Variants in CEP126 observed in about 807,000 individuals in gnomAD.
CEP126 encodes the protein centrosomal protein of 126 kDa.
A neutral mutation model predicts 107.8 loss-of-function variants in CEP126; 74 were observed. The ratio of observed to expected loss-of-function variants is 0.69; its 90% CI spans 0.57 to 0.83. CEP126 has a LOEUF of 0.83. Ranked by LOEUF, CEP126 falls within the 40% of genes least tolerant of loss-of-function variation. The pLI, the probability that CEP126 is intolerant of heterozygous loss-of-function variation, is 0.00. For synonymous variants in CEP126, 449 were observed against 446.0 expected (o/e 1.01, Z -0.08); for missense variants, 1,237 against 1,281.9 (o/e 0.96, Z 0.53).
intron 2 of CEP126, among the ~76,000 whole-genome samples, chr11:101,930,600 TC>T (rs1940484144): frequency 6.6e-6 from 1 of 152,208 alleles, no homozygotes; most frequent in Admixed American, 6.5e-5. Flanking sequence ...CCCTGCTGGC[TC>T]TGGTGGCCAG....
At chr11:101,918,317 G>T (rs1454193983) in intron 1 of CEP126, among the ~76,000 whole-genome samples, 1 of 152,106 alleles carries the variant, frequency 6.6e-6, no homozygotes, top group Admixed American at 6.5e-5. Flanking sequence ...GTGTTGTGGT[G>T]CATGCTTGTA....
At position 101,915,284 on chromosome 11, in the gene CEP126, G is replaced by T; in HGVS notation, c.-1G>T. The T allele has an allele frequency of 6.2e-7, 1 of 1,613,676 alleles. No individual in the cohort carries two copies. Among genetic ancestry groups the T allele is most frequent in the Non-Finnish European group, 8.5e-7 (1 of 1,179,938 alleles). ...GCAGACAGGCGGCGCTGAAGTGAAG[G>T]ATGCTGGCGGGGAGGCCCGGAACCC... is the stretch of plus-strand genomic sequence containing the variant. On this transcript the variant is annotated 5_prime_UTR_variant, in exon 1 of 11. Transcript: ENST00000263468.
intron 9 of CEP126, among the ~76,000 whole-genome samples, chr11:101,987,607 G>A (rs1055981958): frequency 3.3e-5 from 5 of 151,342 alleles, no homozygotes; most frequent in African/African-American, 1.2e-4. Context: ...CACCCGAAGA[G>A]CTGTGCACTA....
chr11:101,982,604 G>C, intron 8 of CEP126, among the ~76,000 whole-genome samples: 1 of 151,976 alleles, frequency 6.6e-6, no homozygotes, highest in East Asian at 1.9e-4. Flanking sequence ...TAGCTATGAA[G>C]GATTCTAATT....
intron 6 of CEP126, among the ~76,000 whole-genome samples, chr11:101,973,845 A>T (rs1398818748): frequency 6.6e-6 from 1 of 152,096 alleles, no homozygotes; most frequent in East Asian, 1.9e-4. Context: ...TTTATGCATC[A>T]TTTGCATTCT....
intron 2 of CEP126, among the ~76,000 whole-genome samples, chr11:101,934,154 C>T (rs565684047): frequency 6.6e-6 from 1 of 152,160 alleles, no homozygotes; most frequent in Non-Finnish European, 1.5e-5. Flanking sequence ...ACTGCTTATC[C>T]CTACTTTTCC....
chr11:101,942,505 A>G (rs769307341), intron 2 of CEP126, among the ~76,000 whole-genome samples: 1 of 149,550 alleles, frequency 6.7e-6, no homozygotes, highest in Non-Finnish European at 1.5e-5. Context: ...TGCTTTGATT[A>G]CCATAAATTT....
intron 3 of CEP126, among the ~76,000 whole-genome samples, chr11:101,946,856 T>G (rs1398158287): frequency 6.6e-6 from 1 of 151,786 alleles, no homozygotes; most frequent in African/African-American, 2.4e-5. Flanking sequence ...AGCAAGACTC[T>G]CAAAAAAAAA....
chr11:101,928,885 A>T (rs1014256597), intron 2 of CEP126, among the ~76,000 whole-genome samples: 1 of 152,152 alleles, frequency 6.6e-6, no homozygotes, highest in African/African-American at 2.4e-5. Context: ...TTGAATATGA[A>T]ATTTAGAATA....
In CEP126 at chr11:101,987,708, A is replaced by T. The variant is rs1941331781; in HGVS notation, c.3244+667A>T. 2.0e-5 allele frequency among the ~76,000 whole-genome samples: 3 copies of T among 151,876 alleles called. No individual in the cohort carries two copies. The South Asian group carries it at 6.2e-4, about 32-fold the overall frequency. On this transcript the variant is annotated intron_variant, in intron 9 of 10. Coordinates refer to ENST00000263468, the MANE Select transcript of CEP126 (RefSeq NM_020802.4). ...TTGCATTTTTTAAACTTCAGTATTG[A>T]GCAGGTGATAGAGGAAAAATGATCC... is the stretch of plus-strand genomic sequence containing the variant.
chr11:101,989,859 C>T (rs1004596630), intron 9 of CEP126, among the ~76,000 whole-genome samples: 4 of 152,120 alleles, frequency 2.6e-5, no homozygotes, highest in South Asian at 2.1e-4. Context: ...ACTAGGGAGG[C>T]TGAGGCAGGA....
chr11:101,932,486 T>G lies in CEP126; in HGVS notation c.248+9726T>G, dbSNP rs1294684653. 2.0e-5 allele frequency among the ~76,000 whole-genome samples: 3 copies of G among 152,182 alleles called. No individual in the cohort carries two copies. In the East Asian group the frequency reaches 5.8e-4, roughly 29 times the overall value. The stretch of plus-strand genomic sequence containing the variant: ...ATGATAATTTGCTGTCAAAATGACT[T>G]TTGGATAATTACAAGAAAAATACCA... On this transcript the variant is annotated intron_variant, in intron 2 of 10. Coordinates refer to ENST00000263468, the MANE Select transcript of CEP126 (RefSeq NM_020802.4).
intron 2 of CEP126, among the ~76,000 whole-genome samples, chr11:101,925,380 C>T (rs1940391167): frequency 6.6e-6 from 1 of 152,136 alleles, no homozygotes; most frequent in Non-Finnish European, 1.5e-5. Context: ...ATTCACTCAA[C>T]ATGGAGAATT....
intron 6 of CEP126, among the ~76,000 whole-genome samples, chr11:101,965,745 T>C (rs1043889734): frequency 3.3e-5 from 5 of 152,170 alleles, no homozygotes; most frequent in African/African-American, 1.2e-4. Context: ...AACCTTGTAA[T>C]AATGCTGAGA....
intron 5 of CEP126, among the ~76,000 whole-genome samples, chr11:101,959,244 C>T (rs1375237789): frequency 1.3e-5 from 2 of 151,766 alleles, no homozygotes; most frequent in Non-Finnish European, 2.9e-5. Context: ...GCAACCTCCG[C>T]CTCCCAGGTT....
At position 101,956,646 on chromosome 11, in the gene CEP126, C is replaced by T. The variant is rs191929290; in HGVS notation, c.507-1522C>T. The T allele has an allele frequency of 1.0e-3, 477 of 456,072 alleles. 3 individuals carry two copies. Among genetic ancestry groups the T allele is most frequent in the African/African-American group, 8.8e-3 (441 of 50,090 alleles). The allele number at this position is 456,072 out of a possible 1,614,324, so 28.3% of individuals were successfully genotyped here. ...TCCTGTTCTACTTCTCCATCCTTAC[C>T]TCCTTCATCTATCCCTCTTTTTTCC... On this transcript the variant is annotated intron_variant, in intron 4 of 10. Transcript: ENST00000263468.
At chr11:101,980,885 A>G (rs1026740179) in intron 7 of CEP126, among the ~76,000 whole-genome samples, 1 of 152,260 alleles carries the variant, frequency 6.6e-6, no homozygotes, top group African/African-American at 2.4e-5. Context: ...GATCTACTGA[A>G]GGAGAGCTGT....
intron 5 of CEP126, among the ~76,000 whole-genome samples, chr11:101,960,987 A>G (rs1940961902): frequency 6.6e-6 from 1 of 152,132 alleles, no homozygotes; most frequent in South Asian, 2.1e-4. Flanking sequence ...ATTATTAAAG[A>G]CTGACAAATT....
At position 101,981,920 on chromosome 11, in the gene CEP126, G is replaced by A. The variant is rs1335752061; in HGVS notation, c.2990G>A (p.Ser997Asn). The change falls in exon 8 of 11, where the codon AGT becomes AAT. Residue 997 changes from serine (S) to asparagine (N), a missense_variant. Around this residue, in one of 3 missense-constraint regions of CEP126, gnomAD observed 1,134 missense variants for 1,150.5 expected, o/e 0.99. Coordinates refer to ENST00000263468, the MANE Select transcript of CEP126 (RefSeq NM_020802.4). ...NFGQSVLLSS[S>N]EPKQTTRGTS... The stretch of plus-strand genomic sequence containing the variant: ...GGACAAAGTGTCCTGCTAAGTTCAA[G>A]TGAGCCAAAACAAACTACAAGGGGT... 4 of 1,592,672 alleles carry A rather than the reference G, an allele frequency of 2.5e-6. No homozygotes were observed. The highest frequency in any genetic ancestry group is 1.1e-5 in the South Asian group (1 of 87,792).
Sources: gnomAD v4.1 joint callset for allele counts (sites outside exome capture counted in the v4.1 genomes callset) on GRCh38, gnomAD v4.1.1 for gene constraint, gnomAD v4.1.1 regional missense constraint, MANE v1.5 for transcripts, NCBI Gene and HGNC (gene_info 2026-07-23, HGNC 2026-07-21) for gene names.